The following CSMD1 variants were observed in gnomAD, a reference collection of about 807,000 sequenced individuals.
CSMD1 encodes CUB and Sushi multiple domains 1, also known as CUB and sushi domain-containing protein 1.
CSMD1 carries 213 observed loss-of-function variants against 417.5 expected under a neutral mutation model. That is an observed-to-expected ratio of 0.51 (90% confidence interval 0.46 to 0.57). The LOEUF (loss-of-function observed/expected upper bound fraction) is 0.57. Ranked by LOEUF, CSMD1 falls within the 20% of genes least tolerant of loss-of-function variation. The pLI is 0.00. For synonymous variants in CSMD1, 2,862 were observed against 1,736.8 expected, an observed-to-expected ratio of 1.65 and a Z score of -16.11; for missense variants, 6,923 against 4,529.7, an observed-to-expected ratio of 1.53 and a Z score of -15.17.
chr8:4,127,708 A>C (rs1164023256), intron 3 of CSMD1, among the ~76,000 whole-genome samples: 1 of 152,216 alleles, frequency 6.6e-6, no homozygotes, highest in Non-Finnish European at 1.5e-5. Flanking sequence ...ATGATGAATA[A>C]ATTTAAGAAA....
chr8:4,461,738 C>CTTT lies in CSMD1; in HGVS notation c.303-41674_303-41673insAAA, dbSNP rs1491126522. On this transcript the variant is annotated intron_variant, in intron 2 of 69. Coordinates refer to ENST00000635120, the MANE Select transcript of CSMD1 (RefSeq NM_033225.6). ...GCTCATCTTATTTATTATTTATTTA[C>CTTT]TTATTTTTTTTTTTTTTTTGGAGAT... Among the ~76,000 whole-genome samples, 700 of 83,832 alleles carry CTTT rather than the reference C, an allele frequency of 8.4e-3. 15 individuals carry two copies. Among genetic ancestry groups the CTTT allele is most frequent in the African/African-American group, 0.028 (668 of 24,208 alleles). The allele number at this position is 83,832 out of a possible 152,430, so 55.0% of individuals were successfully genotyped here. A position where few individuals can be genotyped will look rare whatever the true frequency, so the allele number is the denominator to read the frequency against.
At chr8:2,949,529 T>C (rs1211376748) in intron 67 of CSMD1, 143 bp from the exon 68 acceptor site, 2 of 455,584 alleles carry the variant, frequency 4.4e-6, no homozygotes, top group Non-Finnish European at 7.6e-6. Context: ...TGCCATGGCT[T>C]TTGGTGACAC....
At chr8:4,011,192 G>T (rs117063655) in intron 4 of CSMD1, among the ~76,000 whole-genome samples, 2 of 152,230 alleles carry the variant, frequency 1.3e-5, no homozygotes, top group African/African-American at 2.4e-5. Context: ...TCTACCTAGT[G>T]GGTACACCTG....
In CSMD1 at chr8:3,856,923, A is replaced by G. The variant is rs569134033; in HGVS notation, c.819-102881T>C. On this transcript the variant is annotated intron_variant, in intron 5 of 69. Transcript: ENST00000635120. ...CTCAGACTGGAGGTGGTTTGCTACC[A>G]CAGTGTAGCCTAGCTATCCTGACAG... 2.8e-3 allele frequency among the ~76,000 whole-genome samples: 429 copies of G among 152,310 alleles called. 2 individuals carry two copies. The highest frequency in any genetic ancestry group is 4.3e-3 in the African/African-American group (180 of 41,580).
At chr8:3,397,690 T>G (rs1040464473) in intron 16 of CSMD1, among the ~76,000 whole-genome samples, 2 of 152,206 alleles carry the variant, frequency 1.3e-5, no homozygotes, top group Non-Finnish European at 2.9e-5. Flanking sequence ...TCCTTTGACA[T>G]AGTCATGCTG....
chr8:4,898,846 A>G (rs190215819), intron 1 of CSMD1, among the ~76,000 whole-genome samples: 1 of 152,302 alleles, frequency 6.6e-6, no homozygotes, highest in Admixed American at 6.5e-5. Context: ...GACAGAAATG[A>G]CAGTGTGGTT....
At chr8:3,143,466 T>C (rs1459620513) in intron 40 of CSMD1, among the ~76,000 whole-genome samples, 9 of 152,242 alleles carry the variant, frequency 5.9e-5, no homozygotes, top group Non-Finnish European at 1.2e-4. Flanking sequence ...GTGAATTAAA[T>C]AAACTATGGC....
chr8:4,631,944 C>A (rs2616993), intron 2 of CSMD1, among the ~76,000 whole-genome samples: 4,377 of 152,230 alleles, frequency 0.029, 215 homozygotes, highest in African/African-American at 0.1. Flanking sequence ...CATAGATTCG[C>A]CTTTATTCAC....
At chr8:4,118,813 T>C (rs1025291372) in intron 3 of CSMD1, among the ~76,000 whole-genome samples, 1 of 152,170 alleles carries the variant, frequency 6.6e-6, no homozygotes, top group African/African-American at 2.4e-5. Context: ...TACAGCACTA[T>C]TCACAATAGC....
chr8:3,862,725 G>C (rs77665714), intron 5 of CSMD1, among the ~76,000 whole-genome samples: 5,728 of 152,246 alleles, frequency 0.038, 108 homozygotes, highest in Middle Eastern at 0.068. Context: ...AACTGAGTAA[G>C]GGAGGCTAGG....
intron 3 of CSMD1, among the ~76,000 whole-genome samples, chr8:4,390,754 G>C (rs532992437): frequency 5.3e-5 from 8 of 151,576 alleles, no homozygotes; most frequent in African/African-American, 1.9e-4. Flanking sequence ...ACCTCGTCAG[G>C]ATGGTCTCAA....
intron 2 of CSMD1, among the ~76,000 whole-genome samples, chr8:4,567,997 T>G (rs1372880067): frequency 6.6e-6 from 1 of 152,220 alleles, no homozygotes; most frequent in Non-Finnish European, 1.5e-5. Flanking sequence ...TATCAGTGAT[T>G]TTCACAGGGC....
intron 3 of CSMD1, among the ~76,000 whole-genome samples, chr8:4,207,381 C>T (rs1206242709): frequency 1.3e-5 from 2 of 152,090 alleles, no homozygotes; most frequent in East Asian, 1.9e-4. Flanking sequence ...TAAATTCACA[C>T]ACTCATGGAA....
At chr8:3,418,591 T>G (rs1813301470) in intron 12 of CSMD1, among the ~76,000 whole-genome samples, 1 of 152,166 alleles carries the variant, frequency 6.6e-6, no homozygotes, top group African/African-American at 2.4e-5. Context: ...AAGATTCAGA[T>G]CCAACAATGT....
chr8:3,622,813 T>C (rs974525442), intron 7 of CSMD1, among the ~76,000 whole-genome samples: 3 of 152,162 alleles, frequency 2.0e-5, no homozygotes, highest in South Asian at 2.1e-4. Flanking sequence ...CCATGAGTCA[T>C]TGATTCATCT....
chr8:3,300,593 A>G (rs1041948840), intron 25 of CSMD1, among the ~76,000 whole-genome samples: 3 of 152,162 alleles, frequency 2.0e-5, no homozygotes, highest in African/African-American at 4.8e-5. Context: ...CATTTATTCT[A>G]AGGAATTATA....
intron 5 of CSMD1, among the ~76,000 whole-genome samples, chr8:3,887,666 C>G (rs1452658700): frequency 6.6e-6 from 1 of 152,154 alleles, no homozygotes; most frequent in East Asian, 1.9e-4. Flanking sequence ...AGTTAAGAGA[C>G]AATACCTATG....
rs550983880 is a variant in CSMD1 at position 4,395,088 on chromosome 8, C to T, written c.415+24865G>A. Among the ~76,000 whole-genome samples the T allele has an allele frequency of 3.9e-5, 6 of 152,292 alleles. No homozygotes were observed. The South Asian group carries it at 1.0e-3, about 26-fold the overall frequency. ...CCAGGGTGTCCTGGCACCTCCTGCA[C>T]CCACATGAACCTCCGCTGGGAGACC... On this transcript the variant is annotated intron_variant, in intron 3 of 69. Coordinates refer to ENST00000635120, the MANE Select transcript of CSMD1 (RefSeq NM_033225.6).
At chr8:4,256,499 G>C (rs1007299773) in intron 3 of CSMD1, among the ~76,000 whole-genome samples, 2 of 152,178 alleles carry the variant, frequency 1.3e-5, no homozygotes, top group African/African-American at 4.8e-5. Context: ...TTCTCAGTGA[G>C]TGTATAAAGA....
Sources: gnomAD v4.1 joint callset for allele counts (sites outside exome capture counted in the v4.1 genomes callset) on GRCh38, gnomAD v4.1.1 for gene constraint, MANE v1.5 for transcripts, NCBI Gene and HGNC (gene_info 2026-07-23, HGNC 2026-07-21) for gene names.